Variants in LOC128092253 observed in about 807,000 individuals in gnomAD.
chr6:133,954,473 A>T, the LOC128092253 span, among the ~76,000 whole-genome samples: 1 of 152,246 alleles, frequency 6.6e-6, no homozygotes, highest in South Asian at 2.1e-4. Flanking sequence ...TATCTGGTTG[A>T]AAGGATTATT....
At chr6:133,954,720 T>C in the LOC128092253 span, among the ~76,000 whole-genome samples, 2 of 152,210 alleles carry the variant, frequency 1.3e-5, no homozygotes, top group African/African-American at 4.8e-5. Flanking sequence ...CAGCTTCTGT[T>C]TGTTCCCCAC....
chr6:133,961,665 C>T, the LOC128092253 span, among the ~76,000 whole-genome samples: 6,863 of 151,934 alleles, frequency 0.045, 151 homozygotes, highest in Admixed American at 0.066. Flanking sequence ...GGGGTTTCAC[C>T]ATGTTAATCG....
the LOC128092253 span, among the ~76,000 whole-genome samples, chr6:133,956,244 G>A: frequency 6.6e-6 from 1 of 152,156 alleles, no homozygotes; most frequent in Non-Finnish European, 1.5e-5. Context: ...AAAATCTCTG[G>A]TGTTTTCAAA....
chr6:133,959,684 C>T, the LOC128092253 span, among the ~76,000 whole-genome samples: 1 of 151,954 alleles, frequency 6.6e-6, no homozygotes, highest in Non-Finnish European at 1.5e-5. Context: ...GGTTTTACCA[C>T]ATTGACCAGG....
At chr6:133,975,012 A>G in the LOC128092253 span, among the ~76,000 whole-genome samples, 1 of 152,236 alleles carries the variant, frequency 6.6e-6, no homozygotes, top group African/African-American at 2.4e-5. Context: ...GTTAAAAACT[A>G]AAGTATTAAG....
the LOC128092253 span, among the ~76,000 whole-genome samples, chr6:133,962,637 T>A: frequency 6.6e-6 from 1 of 152,198 alleles, no homozygotes; most frequent in African/African-American, 2.4e-5. Flanking sequence ...TTCAGATATC[T>A]GATAGGTCAG....
the LOC128092253 span, among the ~76,000 whole-genome samples, chr6:133,969,744 C>T: frequency 1.1e-4 from 17 of 152,178 alleles, no homozygotes; most frequent in Non-Finnish European, 2.1e-4. Context: ...AGGTTTTCAA[C>T]TGTTAGACCT....
At chr6:133,965,701 A>G in the LOC128092253 span, among the ~76,000 whole-genome samples, 3 of 151,336 alleles carry the variant, frequency 2.0e-5, no homozygotes, top group African/African-American at 7.3e-5. Flanking sequence ...CTTTATTTTT[A>G]CCACTTACTT....
the LOC128092253 span, chr6:133,953,432 C>T: frequency 1.3e-5 from 2 of 152,856 alleles, no homozygotes. Context: ...CACGGTAACC[C>T]CCTAGGCGAC....
At chr6:133,972,320 C>A in the LOC128092253 span, among the ~76,000 whole-genome samples, 1 of 152,170 alleles carries the variant, frequency 6.6e-6, no homozygotes, top group Non-Finnish European at 1.5e-5. Context: ...TCAAATTTCT[C>A]TCAAATATCT....
At chr6:133,975,330 TTAAG>T in the LOC128092253 span, among the ~76,000 whole-genome samples, 15 of 152,160 alleles carry the variant, frequency 9.9e-5, no homozygotes, top group Admixed American at 3.9e-4. Context: ...GAAAATTTAA[TTAAG>T]CAAAATAGAC....
chr6:133,965,474 T>A, the LOC128092253 span, among the ~76,000 whole-genome samples: 1 of 152,176 alleles, frequency 6.6e-6, no homozygotes. Context: ...TAACATGTAG[T>A]AGATTTGGTC....
chr6:133,972,428 GATAAATT>G, the LOC128092253 span, among the ~76,000 whole-genome samples: 6 of 152,190 alleles, frequency 3.9e-5, no homozygotes, highest in East Asian at 1.2e-3. Flanking sequence ...ATTTATCAGT[GATAAATT>G]TTATTTTGTT....
At chr6:133,971,584 GTTGT>G in the LOC128092253 span, among the ~76,000 whole-genome samples, 54 of 41,050 alleles carry the variant, frequency 1.3e-3, no homozygotes, top group Middle Eastern at 0.02. Context: ...CATAGGTGTT[GTTGT>G]TGTTGTTGTT....
At chr6:133,969,251 CTTTTTTTTTTTT>C in the LOC128092253 span, among the ~76,000 whole-genome samples, 1 of 122,608 alleles carries the variant, frequency 8.2e-6, no homozygotes, top group African/African-American at 3.1e-5. Context: ...ATAAAATACA[CTTTTTTTTTTTT>C]TTTTTTTTTT....
At chr6:133,961,053 GTATAA>G in the LOC128092253 span, among the ~76,000 whole-genome samples, 1 of 152,158 alleles carries the variant, frequency 6.6e-6, no homozygotes, top group African/African-American at 2.4e-5. Flanking sequence ...GCACTAAGTA[GTATAA>G]TATACCAGAA....
chr6:133,955,076 CTG>C, the LOC128092253 span, among the ~76,000 whole-genome samples: 3 of 151,958 alleles, frequency 2.0e-5, no homozygotes, highest in African/African-American at 7.3e-5. Flanking sequence ...GAATCAAAGA[CTG>C]TTGCTTAATC....
At chr6:133,967,639 ACTGT>A in the LOC128092253 span, among the ~76,000 whole-genome samples, 3 of 152,182 alleles carry the variant, frequency 2.0e-5, no homozygotes, top group Non-Finnish European at 4.4e-5. Context: ...TTTACTGAGT[ACTGT>A]AGGCAGTTGT....
At chr6:133,965,527 C>G in the LOC128092253 span, among the ~76,000 whole-genome samples, 5 of 152,052 alleles carry the variant, frequency 3.3e-5, no homozygotes, top group African/African-American at 1.2e-4. Flanking sequence ...GTCCCCACTC[C>G]CCTCAGCACC....
Sources: gnomAD v4.1 joint callset for allele counts (sites outside exome capture counted in the v4.1 genomes callset) on GRCh38, gnomAD v4.1.1 for gene constraint, MANE v1.5 for transcripts.